SYNPR: variants seen among roughly 807,000 people sequenced by gnomAD.
SYNPR encodes the protein synaptoporin.
A neutral mutation model predicts 32.9 loss-of-function variants in SYNPR; 23 were observed. The observed-to-expected ratio is 0.70, with a 90% confidence interval of 0.50 to 0.99. The LOEUF (loss-of-function observed/expected upper bound fraction) is 0.99. SYNPR is among the 50% of genes least tolerant of loss of function. The probability of loss-of-function intolerance (pLI) is 0.00; values close to 1 mark genes in which losing one functional copy is unlikely to be tolerated. For missense variants in SYNPR, 318 were observed against 349.3 expected, an observed-to-expected ratio of 0.91 and a Z score of 0.71; for synonymous variants, 146 against 135.9, an observed-to-expected ratio of 1.07 and a Z score of -0.52.
chr3:63,210,024 T>A, the SYNPR span, among the ~76,000 whole-genome samples: 11 of 145,216 alleles, frequency 7.6e-5, no homozygotes, highest in East Asian at 2.0e-4. Context: ...TTAGCTAAAA[T>A]TTTTTTTTTT....
At chr3:63,485,586 C>A (rs908006638) in intron 3 of SYNPR, among the ~76,000 whole-genome samples, 3 of 152,050 alleles carry the variant, frequency 2.0e-5, no homozygotes, top group Non-Finnish European at 2.9e-5. Context: ...TCTCACAGAC[C>A]AATACAATGC....
At chr3:63,409,585 C>T (rs902069358) in intron 2 of SYNPR, among the ~76,000 whole-genome samples, 1 of 152,156 alleles carries the variant, frequency 6.6e-6, no homozygotes, top group Non-Finnish European at 1.5e-5. Flanking sequence ...AAAATTCACA[C>T]ACTCCTTATA....
chr3:63,361,934 T>C (rs1001329052), intron 2 of SYNPR, among the ~76,000 whole-genome samples: 8 of 152,216 alleles, frequency 5.3e-5, no homozygotes, highest in Non-Finnish European at 1.2e-4. Flanking sequence ...TTTTTGAGGA[T>C]AGATTAAATA....
At chr3:63,369,719 T>A (rs924000275) in intron 2 of SYNPR, among the ~76,000 whole-genome samples, 2 of 152,194 alleles carry the variant, frequency 1.3e-5, no homozygotes, top group African/African-American at 4.8e-5. Context: ...GGCTTTGACA[T>A]TGCTCTCAAA....
At chr3:63,527,718 C>T (rs1702039847) in intron 3 of SYNPR, among the ~76,000 whole-genome samples, 1 of 152,142 alleles carries the variant, frequency 6.6e-6, no homozygotes, top group African/African-American at 2.4e-5. Context: ...TTTCCCCTTC[C>T]CCTGCTGTTT....
chr3:63,603,430 AGG>A, intron 4 of SYNPR, among the ~76,000 whole-genome samples: 1 of 152,112 alleles, frequency 6.6e-6, no homozygotes, highest in Non-Finnish European at 1.5e-5. Context: ...CTGGTTTTCA[AGG>A]GGAATACTTC....
intron 3 of SYNPR, among the ~76,000 whole-genome samples, chr3:63,516,446 C>T (rs1701801856): frequency 6.6e-6 from 1 of 152,078 alleles, no homozygotes. Context: ...AAGAACTGGC[C>T]ACTAGAAAAC....
At chr3:63,339,316 A>G (rs571625340) in intron 2 of SYNPR, among the ~76,000 whole-genome samples, 2 of 152,340 alleles carry the variant, frequency 1.3e-5, no homozygotes, top group East Asian at 3.9e-4. Context: ...ACAGACAGGA[A>G]GCAAATTAAC....
chr3:63,558,173 C>A (rs1209366353), intron 4 of SYNPR, among the ~76,000 whole-genome samples: 1 of 152,174 alleles, frequency 6.6e-6, no homozygotes, highest in Non-Finnish European at 1.5e-5. Flanking sequence ...CCACAAGCCA[C>A]CAGATGTGGC....
chr3:63,399,216 G>A (rs1271632859), intron 2 of SYNPR, among the ~76,000 whole-genome samples: 15 of 152,146 alleles, frequency 9.9e-5, no homozygotes, highest in Admixed American at 2.0e-4. Context: ...TTTAGTCCCA[G>A]TGCCTGCTGC....
rs747605043 is a variant in SYNPR, at chr3:63,403,338, CTG to C, written c.85-77490_85-77489del. Among the ~76,000 whole-genome samples, 4 of 151,834 alleles carry C rather than the reference CTG, an allele frequency of 2.6e-5. No homozygotes were observed. In the East Asian group the frequency reaches 7.7e-4, roughly 29 times the overall value. On this transcript the variant is annotated intron_variant, in intron 2 of 5. Transcript: ENST00000478300. ...GAGTCCACGAAGCCTTGGTTGAGTG[CTG>C]TGTTACTGCATTACTGTGTTACTGC...
the SYNPR span, among the ~76,000 whole-genome samples, chr3:63,222,830 C>G: frequency 6.6e-6 from 1 of 152,156 alleles, no homozygotes. Context: ...GAAAAACACA[C>G]ATTTTAAAAA....
intron 2 of SYNPR, among the ~76,000 whole-genome samples, chr3:63,402,481 C>T (rs780487956): frequency 6.6e-6 from 1 of 152,136 alleles, no homozygotes. Context: ...TGACAAGAAC[C>T]ATAAAGGATT....
At chr3:63,465,886 C>A (rs1013030649) in intron 2 of SYNPR, among the ~76,000 whole-genome samples, 3 of 151,932 alleles carry the variant, frequency 2.0e-5, no homozygotes, top group African/African-American at 4.8e-5. Context: ...TTGGTTGATA[C>A]GTCCCTTAAG....
intron 3 of SYNPR, among the ~76,000 whole-genome samples, chr3:63,492,570 T>C (rs1479670823): frequency 6.6e-6 from 1 of 152,186 alleles, no homozygotes; most frequent in Non-Finnish European, 1.5e-5. Context: ...AAGACCAGGA[T>C]TGGGGCACTT....
At chr3:63,606,483 G>A (rs1700124291) in intron 4 of SYNPR, among the ~76,000 whole-genome samples, 1 of 133,376 alleles carries the variant, frequency 7.5e-6, no homozygotes, top group Admixed American at 8.5e-5. Context: ...ACTGGCTGGA[G>A]TGCAGTGATG....
At chr3:63,399,122 G>A (rs565019449) in intron 2 of SYNPR, among the ~76,000 whole-genome samples, 3 of 152,288 alleles carry the variant, frequency 2.0e-5, no homozygotes, top group South Asian at 2.1e-4. Flanking sequence ...AGGACCTATG[G>A]CTAGAATGAA....
chr3:63,247,375 A>C (rs1302338632), intron 1 of SYNPR, among the ~76,000 whole-genome samples: 1 of 152,040 alleles, frequency 6.6e-6, no homozygotes, highest in Non-Finnish European at 1.5e-5. Context: ...AAAGCCTCCA[A>C]GTAGGATGAC....
At chr3:63,268,777 A>G (rs1398341227) in intron 3 of SYNPR, among the ~76,000 whole-genome samples, 2 of 152,198 alleles carry the variant, frequency 1.3e-5, no homozygotes, top group African/African-American at 2.4e-5. Context: ...CTCAAGGATC[A>G]ACTGTATTTT....
Sources: allele counts gnomAD v4.1 joint callset (sites outside exome capture counted in the v4.1 genomes callset), GRCh38; gene constraint gnomAD v4.1.1; transcripts MANE v1.5; gene names NCBI Gene and HGNC (gene_info 2026-07-23, HGNC 2026-07-21).